Variants in MARCHF10 observed in about 807,000 individuals in gnomAD.
MARCHF10 encodes the protein probable E3 ubiquitin-protein ligase MARCHF10.
In MARCHF10, 64 loss-of-function variants were observed where a neutral mutation model predicts 76.2. That is an observed-to-expected ratio of 0.84 (90% CI 0.69 to 1.03). The LOEUF (loss-of-function observed/expected upper bound fraction) is 1.03. MARCHF10 is among the 50% of genes least tolerant of loss of function. The pLI, the probability that MARCHF10 is intolerant of heterozygous loss-of-function variation, is 0.00. For synonymous variants in MARCHF10, 340 were observed against 357.5 expected (o/e 0.95, Z 0.55); for missense variants, 875 against 958.0 (o/e 0.91, Z 1.14).
chr17:62,704,352 G>T (rs2089444983), intron 10 of MARCHF10, among the ~76,000 whole-genome samples: 1 of 152,130 alleles, frequency 6.6e-6, no homozygotes, highest in African/African-American at 2.4e-5. Context: ...CGGGGTCGGG[G>T]GTGGCCGCGC....
chr17:62,800,524 G>A (rs530777997), intron 2 of MARCHF10, among the ~76,000 whole-genome samples: 42 of 152,304 alleles, frequency 2.8e-4, no homozygotes, highest in African/African-American at 2.9e-4. Context: ...AAGCTAAGCC[G>A]TATTATACAG....
intron 4 of MARCHF10, among the ~76,000 whole-genome samples, chr17:62,753,051 T>C (rs1251955041): frequency 6.6e-6 from 1 of 152,140 alleles, no homozygotes; most frequent in Non-Finnish European, 1.5e-5. Flanking sequence ...CTCAACTTTA[T>C]ATTTCCTAAT....
chr17:62,728,698 TAAA>T (rs1299753821), intron 6 of MARCHF10, among the ~76,000 whole-genome samples: 5 of 152,018 alleles, frequency 3.3e-5, no homozygotes, highest in African/African-American at 1.2e-4. Context: ...ATTAACGAAA[TAAA>T]AAATTCCAGG....
chr17:62,730,908 A>G (rs1318261747), intron 6 of MARCHF10, among the ~76,000 whole-genome samples: 1 of 151,108 alleles, frequency 6.6e-6, no homozygotes, highest in Admixed American at 6.6e-5. Context: ...CAACAACAAC[A>G]ACAACAACGA....
chr17:62,706,951 C>A (rs932726060), intron 9 of MARCHF10, among the ~76,000 whole-genome samples: 3 of 152,182 alleles, frequency 2.0e-5, no homozygotes, highest in African/African-American at 7.2e-5. Flanking sequence ...CTGGTGGGTC[C>A]TGTCTTCTCT....
intron 2 of MARCHF10, among the ~76,000 whole-genome samples, chr17:62,789,711 G>T (rs2092810764): frequency 6.6e-6 from 1 of 152,196 alleles, no homozygotes; most frequent in Non-Finnish European, 1.5e-5. Flanking sequence ...GCTGAGGCAG[G>T]TTGATCACTT....
At chr17:62,803,548 C>G (rs562081356) in intron 1 of MARCHF10, among the ~76,000 whole-genome samples, 10 of 151,950 alleles carry the variant, frequency 6.6e-5, no homozygotes, top group African/African-American at 2.4e-4. Context: ...GAGATGGAGT[C>G]CTGCTCTGTC....
At position 62,711,116 on chromosome 17, in the gene MARCHF10, G is replaced by T; in HGVS notation, c.2328+115C>A. On this transcript the variant is annotated intron_variant, in intron 9 of 10. Transcript: ENST00000311269. This position sits in a 1 kb window ranked among gnomAD's most constrained non-coding sequence, Gnocchi z 4.4. ...CTAAATCTTAGTCCTAACAATGATA[G>T]TCCCATATCCTCCCAAGCGACCGTG... 1 of 777,320 alleles carries T rather than the reference G, an allele frequency of 1.3e-6. No individual in the cohort carries two copies. The highest frequency in any genetic ancestry group is 2.2e-6 in the Non-Finnish European group (1 of 453,366). The allele number at this position is 777,320 out of a possible 1,614,324, so 48.2% of individuals were successfully genotyped here.
At chr17:62,722,693 G>C in intron 7 of MARCHF10, 96 bp from the exon 8 acceptor site, 1 of 982,724 alleles carries the variant, frequency 1.0e-6, no homozygotes. Flanking sequence ...ACTTGTGTGT[G>C]TTATGAATTC....
chr17:62,798,491 G>A (rs2093022412), intron 2 of MARCHF10, among the ~76,000 whole-genome samples: 2 of 151,238 alleles, frequency 1.3e-5, no homozygotes, highest in East Asian at 1.9e-4. Context: ...TGAGAAGAAA[G>A]GAGTAATAAC....
At chr17:62,718,206 A>G (rs1394178713) in intron 8 of MARCHF10, among the ~76,000 whole-genome samples, 3 of 152,176 alleles carry the variant, frequency 2.0e-5, no homozygotes, top group Admixed American at 2.0e-4. Flanking sequence ...GGTGCAGAGA[A>G]TTGCCATAGT....
chr17:62,704,946 G>GTGTT, intron 10 of MARCHF10: 538 of 836,732 alleles, frequency 6.4e-4, no homozygotes, highest in Middle Eastern at 1.2e-3. Flanking sequence ...TTCTCCAGTC[G>GTGTT]TTTTTTTTTT....
intron 10 of MARCHF10, among the ~76,000 whole-genome samples, chr17:62,702,437 G>A (rs1023617503): frequency 7.1e-6 from 1 of 141,536 alleles, no homozygotes; most frequent in Non-Finnish European, 1.5e-5. Context: ...GGCGGGGGGC[G>A]GCGAATCACT....
chr17:62,800,512 T>C (rs2093054191), intron 2 of MARCHF10, among the ~76,000 whole-genome samples: 1 of 152,204 alleles, frequency 6.6e-6, no homozygotes, highest in Non-Finnish European at 1.5e-5. Flanking sequence ...TTTCCAGCCC[T>C]AAAGCTAAGC....
At chr17:62,731,828 T>C (rs767417097) in intron 6 of MARCHF10, among the ~76,000 whole-genome samples, 1 of 152,142 alleles carries the variant, frequency 6.6e-6, no homozygotes, top group East Asian at 1.9e-4. Context: ...ACATTTAATA[T>C]AAGCAGCCCT....
At chr17:62,707,296 CCCTCCCTGGCCACACA>C (rs1185602578) in intron 9 of MARCHF10, 1 of 152,864 alleles carries the variant, frequency 6.5e-6, no homozygotes, top group Non-Finnish European at 1.5e-5. Context: ...TCATTCTCTG[CCCTCCCTGGCCACACA>C]CCTCCCTGAC....
chr17:62,765,960 T>C (rs376962027), intron 3 of MARCHF10, among the ~76,000 whole-genome samples: 42 of 151,812 alleles, frequency 2.8e-4, no homozygotes, highest in African/African-American at 9.2e-4. Context: ...CCCAGCACGG[T>C]AGGAGGCTGA....
chr17:62,723,776 C>T (rs141849886), intron 7 of MARCHF10, among the ~76,000 whole-genome samples: 2 of 151,962 alleles, frequency 1.3e-5, no homozygotes, highest in East Asian at 3.9e-4. Flanking sequence ...ATGGCAGAGT[C>T]GTTAGCAACC....
intron 3 of MARCHF10, among the ~76,000 whole-genome samples, chr17:62,768,446 G>C (rs1033125801): frequency 1.3e-5 from 2 of 152,160 alleles, no homozygotes; most frequent in Admixed American, 1.3e-4. Flanking sequence ...CTTGAACCTG[G>C]GAGGTAGAGG....
Sources: gnomAD v4.1 joint callset for allele counts (sites outside exome capture counted in the v4.1 genomes callset) on GRCh38, gnomAD v4.1.1 for gene constraint, Gnocchi (gnomAD v3.1) non-coding constraint, MANE v1.5 for transcripts, NCBI Gene and HGNC (gene_info 2026-07-23, HGNC 2026-07-21) for gene names.